Variants in ZMAT4 observed in about 807,000 individuals in gnomAD.
The protein encoded by ZMAT4 is zinc finger matrin-type protein 4.
Under a neutral mutation model 28.7 loss-of-function variants are expected in ZMAT4, and 17 were observed. The observed-to-expected ratio is 0.59, with a 90% CI of 0.41 to 0.89. ZMAT4 has a LOEUF of 0.89. ZMAT4 is among the 40% of genes least tolerant of loss of function. ZMAT4 has a pLI of 0.00. For missense variants in ZMAT4, 240 were observed against 283.8 expected, an observed-to-expected ratio of 0.85 and a Z score of 1.11; for synonymous variants, 117 against 109.2, an observed-to-expected ratio of 1.07 and a Z score of -0.44.
intron 4 of ZMAT4, among the ~76,000 whole-genome samples, chr8:40,694,849 C>A (rs186872218): frequency 1.8e-4 from 28 of 152,302 alleles, no homozygotes; most frequent in African/African-American, 6.5e-4. Context: ...GATCTAACTT[C>A]CCCTCACTCC....
intron 2 of ZMAT4, among the ~76,000 whole-genome samples, chr8:40,774,419 G>A (rs1813505189): frequency 6.6e-6 from 1 of 151,944 alleles, no homozygotes. Flanking sequence ...ATAGATAATA[G>A]GCATGTAAAT....
chr8:40,607,493 C>A (rs1443613296), intron 5 of ZMAT4, among the ~76,000 whole-genome samples: 1 of 151,898 alleles, frequency 6.6e-6, no homozygotes, highest in Admixed American at 6.6e-5. Context: ...CTGGTGCCTC[C>A]CTGAGTATCT....
intron 5 of ZMAT4, among the ~76,000 whole-genome samples, chr8:40,595,723 A>G (rs1585732143): frequency 1.3e-5 from 2 of 152,192 alleles, no homozygotes; most frequent in South Asian, 2.1e-4. Flanking sequence ...GGAGCTTACA[A>G]GACTGGAAGT....
intron 5 of ZMAT4, among the ~76,000 whole-genome samples, chr8:40,667,956 T>C (rs1808499139): frequency 6.6e-6 from 1 of 152,090 alleles, no homozygotes; most frequent in African/African-American, 2.4e-5. Context: ...GCCCTCATAT[T>C]GAAAATGCAG....
Position 40,531,291 on chromosome 8 carries a change from G to A in ZMAT4, c.*932C>T, listed in dbSNP as rs1409283997. 1 of 151,982 alleles carries A rather than the reference G, an allele frequency of 6.6e-6. No homozygotes were observed. Among genetic ancestry groups the A allele is most frequent in the African/African-American group, 2.4e-5 (1 of 41,382 alleles). 9.4% of individuals were successfully genotyped at this position (151,982 alleles called of 1,614,324 possible). On this transcript the variant is annotated 3_prime_UTR_variant, in exon 7 of 7. Transcript: ENST00000297737. The stretch of plus-strand genomic sequence containing the variant: ...TCAGTGAGAAACAGAAGAAATAGGG[G>A]ACCCCGCCTAGCCCAAGGCCGCCAT...
chr8:40,699,742 T>G (rs192721219), intron 3 of ZMAT4, among the ~76,000 whole-genome samples: 1 of 152,264 alleles, frequency 6.6e-6, no homozygotes, highest in African/African-American at 2.4e-5. Flanking sequence ...TACTTACGCA[T>G]GACATAGGTC....
At chr8:40,735,423 C>G (rs1811721501) in intron 3 of ZMAT4, among the ~76,000 whole-genome samples, 1 of 152,110 alleles carries the variant, frequency 6.6e-6, no homozygotes, top group African/African-American at 2.4e-5. Context: ...AAAAAGAGCA[C>G]TATTCAGTTT....
At position 40,832,241 on chromosome 8, in the gene ZMAT4, C is replaced by T. The variant is rs528766088; in HGVS notation, c.-4-6561G>A. Among the ~76,000 whole-genome samples the T allele has an allele frequency of 2.0e-5, 3 of 152,266 alleles. No homozygotes were observed. In the South Asian group the frequency reaches 6.2e-4, roughly 32 times the overall value. On this transcript the variant is annotated intron_variant, in intron 1 of 6. Coordinates refer to ENST00000297737, the MANE Select transcript of ZMAT4 (RefSeq NM_024645.3). The stretch of plus-strand genomic sequence containing the variant: ...TAATATGCTGGGGCCTGAAGAGCCT[C>T]GACTGTCCAGGTAGAGCCTTGGAAG...
At chr8:40,620,022 A>T (rs78281585) in intron 5 of ZMAT4, among the ~76,000 whole-genome samples, 2,041 of 152,332 alleles carry the variant, frequency 0.013, 49 homozygotes, top group African/African-American at 0.047. Context: ...CCATAAATGC[A>T]AGGATCTCAG....
intron 1 of ZMAT4, among the ~76,000 whole-genome samples, chr8:40,832,530 G>A (rs554445674): frequency 2.0e-5 from 3 of 152,188 alleles, no homozygotes; most frequent in Admixed American, 2.0e-4. Flanking sequence ...ACCAGATGAT[G>A]CCCCCTGCTC....
chr8:40,712,098 A>G (rs1810650029), intron 3 of ZMAT4, among the ~76,000 whole-genome samples: 1 of 152,220 alleles, frequency 6.6e-6, no homozygotes, highest in South Asian at 2.1e-4. Context: ...AATTAATTTG[A>G]TAGACCACCT....
intron 1 of ZMAT4, among the ~76,000 whole-genome samples, chr8:40,871,764 T>G (rs1817866909): frequency 6.6e-6 from 1 of 152,150 alleles, no homozygotes; most frequent in African/African-American, 2.4e-5. Context: ...TTTCAGCACT[T>G]CCTCTGCAGG....
At chr8:40,875,449 G>A (rs1818009362) in intron 1 of ZMAT4, among the ~76,000 whole-genome samples, 1 of 152,188 alleles carries the variant, frequency 6.6e-6, no homozygotes, top group Admixed American at 6.5e-5. Flanking sequence ...TAATAAGCAT[G>A]GGTGCAAAAG....
At chr8:40,733,267 C>T (rs1041766827) in intron 3 of ZMAT4, among the ~76,000 whole-genome samples, 2 of 152,120 alleles carry the variant, frequency 1.3e-5, no homozygotes, top group African/African-American at 4.8e-5. Flanking sequence ...CAGACCCATT[C>T]TTGGTCTTTC....
At chr8:40,648,044 C>T (rs1807427905) in intron 5 of ZMAT4, among the ~76,000 whole-genome samples, 1 of 152,224 alleles carries the variant, frequency 6.6e-6, no homozygotes, top group Non-Finnish European at 1.5e-5. Flanking sequence ...AACGCAGTTC[C>T]TCACCAGCAA....
intron 6 of ZMAT4, among the ~76,000 whole-genome samples, chr8:40,573,162 C>G (rs1052020920): frequency 6.6e-6 from 1 of 152,158 alleles, no homozygotes; most frequent in Non-Finnish European, 1.5e-5. Context: ...CTATCATCAT[C>G]ATCACCAGGG....
At chr8:40,766,940 T>C (rs2150560895) in intron 3 of ZMAT4, among the ~76,000 whole-genome samples, 1 of 152,334 alleles carries the variant, frequency 6.6e-6, no homozygotes, top group African/African-American at 2.4e-5. Context: ...GCGAGGAATT[T>C]CTGTGTTTAA....
At chr8:40,874,264 G>T (rs999863332) in intron 1 of ZMAT4, among the ~76,000 whole-genome samples, 24 of 152,162 alleles carry the variant, frequency 1.6e-4, no homozygotes, top group African/African-American at 5.8e-4. Context: ...ACCCACACTG[G>T]CCACACCCGT....
intron 1 of ZMAT4, among the ~76,000 whole-genome samples, chr8:40,874,502 G>A (rs935883992): frequency 1.1e-4 from 17 of 152,158 alleles, no homozygotes; most frequent in African/African-American, 3.9e-4. Flanking sequence ...CACCTGCCTC[G>A]AATCTCACAG....
Sources: gnomAD v4.1 joint callset for allele counts (sites outside exome capture counted in the v4.1 genomes callset) on GRCh38, gnomAD v4.1.1 for gene constraint, MANE v1.5 for transcripts, NCBI Gene and HGNC (gene_info 2026-07-23, HGNC 2026-07-21) for gene names.